The following THG1L variants were observed in gnomAD, a reference collection of about 807,000 sequenced individuals.
THG1L encodes the protein probable tRNA(His) guanylyltransferase.
In THG1L, 27 loss-of-function variants were observed where a neutral mutation model predicts 35.2. The ratio of observed to expected loss-of-function variants is 0.77; its 90% CI spans 0.57 to 1.06. THG1L has a LOEUF of 1.06. Among genes scored for constraint, THG1L ranks in the 50% least tolerant of loss-of-function variants. The pLI is 0.00. For synonymous variants in THG1L, 135 were observed against 132.4 expected (o/e 1.02, Z -0.14); for missense variants, 377 against 371.8 (o/e 1.01, Z -0.12).
At chr5:157,735,977 C>G (rs375967266) in intron 4 of THG1L, 43 bp downstream of exon 4, 9 of 1,296,666 alleles carry the variant, frequency 6.9e-6, no homozygotes, top group Middle Eastern at 1.8e-4. Flanking sequence ...GGGGACAGTT[C>G]GCTGTAGGCT....
rs541237680 is a variant in THG1L at position 157,735,293 on chromosome 5, T to TA, written c.538+549dup. 3.9e-3 allele frequency among the ~76,000 whole-genome samples: 587 copies of TA among 152,300 alleles called. 3 individuals are homozygous for TA. Among genetic ancestry groups the TA allele is most frequent in the African/African-American group, 0.013 (541 of 41,554 alleles). On this transcript the variant is annotated intron_variant, in intron 3 of 5. Transcript: ENST00000231198. ...TGTGGCAATACTGGATCTGCATTCT[T>TA]ACTTAGTACTAGACAAAGCCTGTTC... is the stretch of plus-strand genomic sequence containing the variant.
At chr5:157,732,678 C>T (rs9313719) in intron 1 of THG1L, among the ~76,000 whole-genome samples, 190 bp from the exon 2 acceptor site, 63,093 of 151,554 alleles carry the variant, frequency 0.42, 14,195 homozygotes, top group African/African-American at 0.61. Context: ...TTCTGTCTGG[C>T]TTTCTCAATT....
chr5:157,739,277 C>T, intron 5 of THG1L, 44 bp from the exon 6 acceptor site: 1 of 1,588,664 alleles, frequency 6.3e-7, no homozygotes, highest in Non-Finnish European at 8.6e-7. Context: ...TCTCCCAAAC[C>T]CACTCCTGAC....
rs566072255 is a variant in THG1L, at chr5:157,735,799, A to G, written c.539-47A>G. On this transcript the variant is annotated intron_variant, in intron 3 of 5. Transcript: ENST00000231198. ...GTATTCCTTGAAGAATGAATATTCA[A>G]TAAAGATTTTATGTATATAAACATT... is the stretch of plus-strand genomic sequence containing the variant. 2.3e-4 allele frequency: 290 copies of G among 1,288,308 alleles called. 3 individuals are homozygous for G. In the South Asian group the frequency reaches 3.5e-3, roughly 16 times the overall value. 79.8% of individuals were successfully genotyped at this position (1,288,308 alleles called of 1,614,324 possible). A position where few individuals can be genotyped will look rare whatever the true frequency, so the allele number is the denominator to read the frequency against.
At position 157,739,646 on chromosome 5, in the gene THG1L, G is replaced by A; in HGVS notation, c.*164G>A. 1.4e-6 allele frequency: 1 copy of A among 731,338 alleles called. No individual in the cohort carries two copies. Among genetic ancestry groups the A allele is most frequent in the Non-Finnish European group, 2.1e-6 (1 of 472,948 alleles). The allele number at this position is 731,338 out of a possible 1,614,324, so 45.3% of individuals were successfully genotyped here. A position where few individuals can be genotyped will look rare whatever the true frequency, so the allele number is the denominator to read the frequency against. Reference sequence around the variant, plus strand: ...AGGGAAGGAAGGGATGGATGGGGGTGGTGTATCTTACTCTGTTTAAGCAGA... The same window carrying A: ...AGGGAAGGAAGGGATGGATGGGGGTAGTGTATCTTACTCTGTTTAAGCAGA... On this transcript the variant is annotated 3_prime_UTR_variant, in exon 6 of 6. Coordinates refer to ENST00000231198, the MANE Select transcript of THG1L (RefSeq NM_017872.5).
chr5:157,738,389 C>T (rs897778945), intron 5 of THG1L, among the ~76,000 whole-genome samples: 21 of 152,158 alleles, frequency 1.4e-4, no homozygotes, highest in Non-Finnish European at 2.9e-4. Context: ...TAATATGAGG[C>T]ACTAAGAGAC....
intron 1 of THG1L, 78 bp downstream of exon 1, chr5:157,731,709 C>T (rs546413363): frequency 2.1e-5 from 32 of 1,505,134 alleles, no homozygotes; most frequent in African/African-American, 1.8e-4. Context: ...CAAGTCCTCC[C>T]GCCCGCTCCA....
At chr5:157,732,235 AAAAAAAAAAGAGAG>A (rs1422522975) in intron 1 of THG1L, among the ~76,000 whole-genome samples, 4 of 112,224 alleles carry the variant, frequency 3.6e-5, no homozygotes, top group Admixed American at 8.3e-5. Flanking sequence ...AAAAAAAAAA[AAAAAAAAAAGAGAG>A]AGAGAGAGAG....
rs758548202 is a variant in THG1L, at chr5:157,731,625, TC to T, written c.187del (p.His63IlefsTer20). 2 of 1,596,128 alleles carry T rather than the reference TC, an allele frequency of 1.3e-6. No individual in the cohort carries two copies. Among genetic ancestry groups the T allele is most frequent in the Non-Finnish European group, 1.7e-6 (2 of 1,169,268 alleles). On this transcript the variant is annotated frameshift_variant, in exon 1 of 6. Coordinates refer to ENST00000231198, the MANE Select transcript of THG1L (RefSeq NM_017872.5). LOFTEE classifies it high-confidence loss of function. ...WVVVRLDGRN[F>X]HRFAEKHNFA... ...GTAGTGCGGCTGGACGGCCGGAATT[TC>T]CATCGGTGAGCGAGCTCGACTCGGG...
intron 1 of THG1L, 75 bp downstream of exon 1, chr5:157,731,706 TC>T (rs1760726189): frequency 6.6e-7 from 1 of 1,506,578 alleles, no homozygotes; most frequent in Non-Finnish European, 8.9e-7. Context: ...TTGCAAGTCC[TC>T]CCGCCCGCTC....
At position 157,735,857 on chromosome 5, in the gene THG1L, A is replaced by G. The variant is rs763392730; in HGVS notation, c.550A>G (p.Asn184Asp). ...TGTTCTCCTCACAGGTCACATCAATAATCTTTATAATACAGTTTTCTGGGC... is the reference window on the plus strand; with the variant it reads ...TGTTCTCCTCACAGGTCACATCAATGATCTTTATAATACAGTTTTCTGGGC... ...SWRQADCHIN[N>D]LYNTVFWALI... The change falls in exon 4 of 6, where the codon AAT (asparagine) becomes GAT (aspartate). Residue 184 changes from asparagine (N) to aspartate (D), a missense_variant. Physicochemically the swap from Asn to Asp is conservative, Grantham distance 23. Coordinates refer to ENST00000231198, the MANE Select transcript of THG1L (RefSeq NM_017872.5). 4 of 1,600,184 alleles carry G rather than the reference A, an allele frequency of 2.5e-6. No individual in the cohort carries two copies. The highest frequency in any genetic ancestry group is 2.7e-5 in the African/African-American group (2 of 74,086).
intron 5 of THG1L, chr5:157,738,773 G>A: frequency 1.0e-5 from 3 of 295,568 alleles, no homozygotes; most frequent in South Asian, 2.9e-5. Flanking sequence ...TTGCTAATGA[G>A]GAACATGGAA....
chr5:157,732,747 C>A, intron 1 of THG1L, 121 bp from the exon 2 acceptor site: 1 of 1,161,262 alleles, frequency 8.6e-7, no homozygotes, highest in Non-Finnish European at 1.2e-6. Flanking sequence ...GCTAGTTGAG[C>A]ATTTGAGTTC....
At chr5:157,739,173 A>G in intron 5 of THG1L, 148 bp from the exon 6 acceptor site, 1 of 603,774 alleles carries the variant, frequency 1.7e-6, no homozygotes. Flanking sequence ...ATATGCGCAT[A>G]TATATACACA....
rs866163263 is a variant in THG1L at position 157,731,817 on chromosome 5, G to T, written c.191+186G>T. Among the ~76,000 whole-genome samples the T allele has an allele frequency of 1.1e-4, 16 of 152,370 alleles. No homozygotes were observed. In the Middle Eastern group the frequency reaches 0.01, roughly 97 times the overall value. On this transcript the variant is annotated intron_variant, in intron 1 of 5. Coordinates refer to ENST00000231198, the MANE Select transcript of THG1L (RefSeq NM_017872.5). ...CTAGGACAGTGCCTGAACGCTGGCT[G>T]TTAGCGTAATTGAATGGGCGATGTG...
Position 157,731,477 on chromosome 5 carries a change from T to G in THG1L, c.37T>G (p.Leu13Val). The change falls in exon 1 of 6, where the codon TTG becomes GTG. Residue 13 changes from leucine (L) to valine (V), a missense_variant. Leu to Val is a conservative substitution (Grantham distance 32). Transcript: ENST00000231198. ...GACKVKVHDS[L>V]ATISITLRRY... is the part of the protein sequence containing the mutation. ...CTGTAAAGTTAAGGTTCACGATTCC[T>G]TGGCCACCATTTCCATCACTCTGAG... 1 of 1,610,344 alleles carries G rather than the reference T, an allele frequency of 6.2e-7. No individual in the cohort carries two copies. Among genetic ancestry groups the G allele is most frequent in the Non-Finnish European group, 8.5e-7 (1 of 1,178,116 alleles).
intron 2 of THG1L, among the ~76,000 whole-genome samples, chr5:157,733,363 A>G (rs1460878230): frequency 6.6e-6 from 1 of 152,264 alleles, no homozygotes; most frequent in Non-Finnish European, 1.5e-5. Context: ...AGCCAGTGAT[A>G]GTCTCTACGT....
intron 1 of THG1L, 68 bp from the exon 2 acceptor site, chr5:157,732,800 C>T: frequency 1.9e-6 from 3 of 1,562,966 alleles, no homozygotes; most frequent in South Asian, 2.3e-5. Context: ...CCTCTGTTAT[C>T]TAGCAACAGA....
chr5:157,733,599 A>G (rs770365532), intron 2 of THG1L, among the ~76,000 whole-genome samples: 64 of 152,054 alleles, frequency 4.2e-4, no homozygotes, highest in Admixed American at 1.2e-3. Context: ...TCGAAGTGCT[A>G]GGATTACAGA....
Sources: allele counts gnomAD v4.1 joint callset (sites outside exome capture counted in the v4.1 genomes callset), GRCh38; gene constraint gnomAD v4.1.1; transcripts MANE v1.5; gene names NCBI Gene and HGNC (gene_info 2026-07-23, HGNC 2026-07-21).